CRHR2: variants seen among roughly 807,000 people sequenced by gnomAD.
CRHR2 encodes the protein corticotropin-releasing hormone receptor 2.
CRHR2 carries 53 observed loss-of-function variants against 57.9 expected under a neutral mutation model. That is an observed-to-expected ratio of 0.92 (90% CI 0.73 to 1.15). The LOEUF is 1.15. CRHR2 is among the 50% of genes most tolerant of loss of function. CRHR2 has a pLI of 0.00. For synonymous variants in CRHR2, 213 were observed against 220.9 expected (o/e 0.96, Z 0.32); for missense variants, 532 against 542.6 (o/e 0.98, Z 0.19).
intron 2 of CRHR2, among the ~76,000 whole-genome samples, chr7:30,680,404 AG>A (rs1280941981): frequency 6.6e-6 from 1 of 152,328 alleles, no homozygotes; most frequent in Admixed American, 6.5e-5. Context: ...GGCTGGGGTA[AG>A]AACGAAAGCA....
intron 8 of CRHR2, among the ~76,000 whole-genome samples, chr7:30,659,288 G>A (rs973002): frequency 0.83 from 126,559 of 152,212 alleles, 52,834 homozygotes; most frequent in African/African-American, 0.88. Flanking sequence ...GAGCTCTTGC[G>A]TTCCTCGCCT....
At chr7:30,659,463 G>T (rs1230136738) in intron 8 of CRHR2, among the ~76,000 whole-genome samples, 1 of 152,146 alleles carries the variant, frequency 6.6e-6, no homozygotes, top group East Asian at 1.9e-4. Context: ...GGTTGGGAGG[G>T]AAAGGATCTC....
intron 2 of CRHR2, among the ~76,000 whole-genome samples, chr7:30,679,115 C>A (rs1784615393): frequency 6.6e-6 from 1 of 152,222 alleles, no homozygotes; most frequent in Non-Finnish European, 1.5e-5. Flanking sequence ...TTTGCTCAGT[C>A]CCCTCAGCCT....
At position 30,662,760 on chromosome 7, in the gene CRHR2, T is replaced by C; in HGVS notation, c.631A>G (p.Thr211Ala). ...WMFVEGCYLH[T>A]AIVMTYSTER... ...GTGGAGTAGGTCATGACAATGGCCGTGTGCAGGTAGCAGCCTTCCACAAAC... is the reference window on the plus strand; with the variant it reads ...GTGGAGTAGGTCATGACAATGGCCGCGTGCAGGTAGCAGCCTTCCACAAAC... Residue 211 changes from threonine (T) to alanine (A), a missense_variant, in exon 6 of 12, where the codon ACG becomes GCG. Physicochemically the swap from Thr to Ala is moderately conservative, Grantham distance 58. Coordinates refer to ENST00000471646, the MANE Select transcript of CRHR2 (RefSeq NM_001883.5). 1 of 1,614,234 alleles carries C rather than the reference T, an allele frequency of 6.2e-7. No homozygotes were observed. Among genetic ancestry groups the C allele is most frequent in the Middle Eastern group, 1.6e-4 (1 of 6,062 alleles).
At chr7:30,660,748 A>G (rs1023548711) in intron 7 of CRHR2, 103 bp from the exon 8 acceptor site, 13 of 1,104,300 alleles carry the variant, frequency 1.2e-5, no homozygotes, top group African/African-American at 7.8e-5. Flanking sequence ...CTGAGACCCA[A>G]TCTCCAGGAC....
chr7:30,690,427 T>TGTGTGAGTACATGCACACAC (rs1438722479), intron 1 of CRHR2, among the ~76,000 whole-genome samples: 3 of 152,122 alleles, frequency 2.0e-5, no homozygotes, highest in African/African-American at 4.8e-5. Flanking sequence ...TCAGCGTGTG[T>TGTGTGAGTACATGCACACAC]GTGTGTGAGT....
intron 1 of CRHR2, chr7:30,689,429 C>T (rs1784916896): frequency 1.4e-6 from 1 of 712,132 alleles, no homozygotes; most frequent in Non-Finnish European, 2.4e-6. Context: ...CCCATGGCCA[C>T]ATGGAGCAGC....
At position 30,662,859 on chromosome 7, in the gene CRHR2, G is replaced by A; in HGVS notation, c.544-12C>T. On this transcript the variant is annotated splice_polypyrimidine_tract_variant and intron_variant, in intron 5 of 11. Transcript: ENST00000471646. ...CAGCGGCACCAGACCTGTGTGCAGGGCAGAGAGGCTGTCAGGAGGCAGCTT... is the reference window on the plus strand; with the variant it reads ...CAGCGGCACCAGACCTGTGTGCAGGACAGAGAGGCTGTCAGGAGGCAGCTT... The A allele has an allele frequency of 1.2e-6, 2 of 1,612,904 alleles. No homozygotes were observed. The highest frequency in any genetic ancestry group is 1.7e-6 in the Non-Finnish European group (2 of 1,179,132).
chr7:30,667,114 G>T, intron 3 of CRHR2, 114 bp downstream of exon 3: 1 of 877,174 alleles, frequency 1.1e-6, no homozygotes, highest in East Asian at 2.5e-5. Flanking sequence ...AGGTACAGAA[G>T]GGAGTGACTG....
chr7:30,654,763 C>G, intron 11 of CRHR2: 1 of 1,536,496 alleles, frequency 6.5e-7, no homozygotes, highest in Non-Finnish European at 8.7e-7. Context: ...TCTGGCTTCT[C>G]TCTTCCATGA....
chr7:30,690,427 T>TGTGTGTGAGTACATGCACACAC (rs1784937859), intron 1 of CRHR2, among the ~76,000 whole-genome samples: 2 of 152,240 alleles, frequency 1.3e-5, no homozygotes, highest in East Asian at 3.9e-4. Flanking sequence ...TCAGCGTGTG[T>TGTGTGTGAGTACATGCACACAC]GTGTGTGAGT....
rs747159574 is a variant in CRHR2 at position 30,655,610 on chromosome 7, G to A, written c.1023C>T (p.Ile341=). 1.3e-5 allele frequency: 21 copies of A among 1,614,070 alleles called. No homozygotes were observed. The highest frequency in any genetic ancestry group is 1.8e-5 in the Non-Finnish European group (21 of 1,179,946). Residue 341 remains isoleucine (I), a synonymous_variant, in exon 10 of 12, where the codon ATC becomes ATT. Transcript: ENST00000471646. ...GEDDLSQIMF[I]YFNSFLQSFQ... is the part of the protein sequence containing the mutation. ...ACGACTGCAGGAAGGAGTTGAAATA[G>A]ATGAACATGATCTGTGACAGGTCGT...
upstream of CRHR2, among the ~76,000 whole-genome samples, chr7:30,685,118 T>G (rs1424687030): frequency 6.6e-6 from 1 of 152,168 alleles, no homozygotes; most frequent in Admixed American, 6.5e-5. Context: ...CTGTGTACCA[T>G]GAGCAGCAGA....
intron 1 of CRHR2, among the ~76,000 whole-genome samples, chr7:30,695,333 G>T (rs1785036009): frequency 6.6e-6 from 1 of 152,122 alleles, no homozygotes; most frequent in Non-Finnish European, 1.5e-5. Context: ...CGGCTTTCTT[G>T]TTCCTGAGTC....
At chr7:30,677,870 G>T (rs1784567729) in intron 2 of CRHR2, among the ~76,000 whole-genome samples, 1 of 152,236 alleles carries the variant, frequency 6.6e-6, no homozygotes, top group Admixed American at 6.5e-5. Flanking sequence ...GGGAGTTCAA[G>T]ACCAGCTCTG....
chr7:30,658,125 T>TC (rs756546966), intron 8 of CRHR2, among the ~76,000 whole-genome samples: 3 of 152,006 alleles, frequency 2.0e-5, no homozygotes, highest in Non-Finnish European at 2.9e-5. Context: ...TTTCCCAGCC[T>TC]CCCCCTTCAC....
At chr7:30,666,886 G>A (rs1016914585) in intron 3 of CRHR2, among the ~76,000 whole-genome samples, 7 of 152,240 alleles carry the variant, frequency 4.6e-5, no homozygotes, top group Non-Finnish European at 8.8e-5. Context: ...GCCAGATGGG[G>A]AAACTGAGGC....
At chr7:30,664,652 G>C (rs1007067305) in intron 5 of CRHR2, among the ~76,000 whole-genome samples, 1 of 152,066 alleles carries the variant, frequency 6.6e-6, no homozygotes, top group African/African-American at 2.4e-5. Context: ...TGGGACAATG[G>C]CTAGGGTGGA....
intron 10 of CRHR2, 26 bp downstream of exon 10, chr7:30,655,554 G>T: frequency 6.3e-7 from 1 of 1,599,100 alleles, no homozygotes; most frequent in Non-Finnish European, 8.5e-7. Context: ...CTCACTGTGG[G>T]GCCCCCATCT....
Sources: allele counts gnomAD v4.1 joint callset (sites outside exome capture counted in the v4.1 genomes callset), GRCh38; gene constraint gnomAD v4.1.1; transcripts MANE v1.5; gene names NCBI Gene and HGNC (gene_info 2026-07-23, HGNC 2026-07-21).